GRID2: variants seen among roughly 807,000 people sequenced by gnomAD.
The protein encoded by GRID2 is glutamate ionotropic receptor delta type subunit 2.
Under a neutral mutation model 114.8 loss-of-function variants are expected in GRID2, and 33 were observed. The observed-to-expected ratio is 0.29, with a 90% confidence interval of 0.22 to 0.38. GRID2 has a LOEUF of 0.38. GRID2 is among the 10% of genes least tolerant of loss of function. The pLI is 1.00. For missense variants in GRID2, 1,184 were observed against 1,257.7 expected, an observed-to-expected ratio of 0.94 and a Z score of 0.89; for synonymous variants, 505 against 449.9, an observed-to-expected ratio of 1.12 and a Z score of -1.55.
rs375332044 is a variant in GRID2 at position 92,359,244 on chromosome 4, G to A, written c.88+54500G>A. ...TCTATTCTTTCTCTTACCAAAGCATGCTTCCTTCCATCTAATGATCAGTTG... is the reference window on the plus strand; with the variant it reads ...TCTATTCTTTCTCTTACCAAAGCATACTTCCTTCCATCTAATGATCAGTTG... On this transcript the variant is annotated intron_variant, in intron 1 of 15. Transcript: ENST00000282020. 8.6e-5 allele frequency among the ~76,000 whole-genome samples: 13 copies of A among 151,844 alleles called. No homozygotes were observed. The East Asian group carries it at 2.3e-3, about 27-fold the overall frequency.
intron 8 of GRID2, among the ~76,000 whole-genome samples, chr4:93,239,351 GTCTA>G (rs56978248): frequency 2.7e-5 from 4 of 145,732 alleles, no homozygotes; most frequent in African/African-American, 7.6e-5. Context: ...CTATGTATCT[GTCTA>G]TCTATCTATC....
At chr4:93,278,380 G>C (rs970198153) in intron 8 of GRID2, among the ~76,000 whole-genome samples, 1 of 151,900 alleles carries the variant, frequency 6.6e-6, no homozygotes, top group Admixed American at 6.6e-5. Context: ...TAGTGGTATG[G>C]GTTTGAGAGA....
chr4:93,185,790 A>G (rs1180176252), intron 4 of GRID2, among the ~76,000 whole-genome samples: 1 of 152,174 alleles, frequency 6.6e-6, no homozygotes, highest in Non-Finnish European at 1.5e-5. Flanking sequence ...GTATATGTGC[A>G]CTACGTGCAG....
chr4:93,217,969 C>A (rs1744431185), intron 6 of GRID2, among the ~76,000 whole-genome samples: 1 of 151,638 alleles, frequency 6.6e-6, no homozygotes, highest in Non-Finnish European at 1.5e-5. Context: ...GGAAATATAA[C>A]CCTAGGAAAA....
At chr4:93,632,130 G>A (rs1720956538) in intron 14 of GRID2, among the ~76,000 whole-genome samples, 1 of 152,146 alleles carries the variant, frequency 6.6e-6, no homozygotes. Context: ...TTTGTCAGAC[G>A]AGTAGATTGC....
At chr4:93,541,625 T>C (rs1221187705) in intron 13 of GRID2, among the ~76,000 whole-genome samples, 1 of 152,230 alleles carries the variant, frequency 6.6e-6, no homozygotes, top group Non-Finnish European at 1.5e-5. Flanking sequence ...ATGCCATTTA[T>C]ACATGGTCTT....
intron 13 of GRID2, among the ~76,000 whole-genome samples, chr4:93,574,013 G>T (rs889981826): frequency 6.6e-6 from 1 of 152,130 alleles, no homozygotes; most frequent in Non-Finnish European, 1.5e-5. Flanking sequence ...ACTCAATAAG[G>T]ATGCTATAAT....
chr4:92,337,442 G>C (rs963961056), intron 1 of GRID2, among the ~76,000 whole-genome samples: 3 of 152,088 alleles, frequency 2.0e-5, no homozygotes, highest in Non-Finnish European at 4.4e-5. Context: ...GTGCCCAGAA[G>C]AAAAGTGAAC....
chr4:93,575,189 C>G (rs547202171), intron 13 of GRID2, among the ~76,000 whole-genome samples: 1 of 152,296 alleles, frequency 6.6e-6, no homozygotes, highest in South Asian at 2.1e-4. Context: ...ACAACACAGT[C>G]ACATGGATCC....
intron 2 of GRID2, among the ~76,000 whole-genome samples, chr4:92,610,078 A>C (rs1053263595): frequency 1.3e-5 from 2 of 151,668 alleles, no homozygotes; most frequent in African/African-American, 4.8e-5. Flanking sequence ...ATTACATTTC[A>C]TACCTTTCCT....
At position 93,085,112 on chromosome 4, in the gene GRID2, G is replaced by T. The variant is rs375005652; in HGVS notation, c.362G>T (p.Arg121Leu). ...CATATCCCCCACCTCTTCATTCAGC[G>T]CTCAACAGCTGGGACCCCAAGGAGT... ...AMHIPHLFIQ[R>L]STAGTPRSGC... The change falls in exon 3 of 16, where the codon CGC (arginine) becomes CTC (leucine). Residue 121 changes from arginine (R) to leucine (L), a missense_variant. By Grantham distance (102) the Arg-to-Leu change is moderately radical. Coordinates refer to ENST00000282020, the MANE Select transcript of GRID2 (RefSeq NM_001510.4). The T allele has an allele frequency of 9.3e-6, 15 of 1,613,940 alleles. No individual in the cohort carries two copies. The highest frequency in any genetic ancestry group is 6.7e-5 in the East Asian group (3 of 44,876).
chr4:92,360,197 C>T (rs1188191864), intron 1 of GRID2, among the ~76,000 whole-genome samples: 1 of 151,894 alleles, frequency 6.6e-6, no homozygotes, highest in Non-Finnish European at 1.5e-5. Flanking sequence ...TATGCAGTTC[C>T]ACAATCTTTA....
chr4:93,477,191 G>C (rs192064092), intron 11 of GRID2, among the ~76,000 whole-genome samples: 5 of 152,128 alleles, frequency 3.3e-5, no homozygotes, highest in African/African-American at 1.2e-4. Context: ...ATAGAAAGCT[G>C]AACTCACTTT....
intron 2 of GRID2, among the ~76,000 whole-genome samples, chr4:92,886,810 A>C (rs1746402009): frequency 6.6e-6 from 1 of 151,960 alleles, no homozygotes; most frequent in South Asian, 2.1e-4. Flanking sequence ...TATTTTTAGT[A>C]GAGACGGGGT....
chr4:92,393,451 A>G (rs1248189136), intron 1 of GRID2, among the ~76,000 whole-genome samples: 1 of 152,270 alleles, frequency 6.6e-6, no homozygotes. Context: ...TTTATTTCCT[A>G]AACTTCCCTG....
intron 2 of GRID2, among the ~76,000 whole-genome samples, chr4:92,957,242 G>T (rs1234426902): frequency 6.6e-6 from 1 of 151,962 alleles, no homozygotes; most frequent in Non-Finnish European, 1.5e-5. Context: ...AAGGTCATAT[G>T]ATTTTTTTTT....
intron 2 of GRID2, chr4:92,885,172 T>C: frequency 8.2e-6 from 2 of 242,458 alleles, no homozygotes; most frequent in Non-Finnish European, 8.1e-6. Flanking sequence ...TCTTCAGTCC[T>C]TGTCAGGATA....
rs1027412231 is a variant in GRID2, at chr4:92,471,761, C to T, written c.89-118370C>T. ...TTCTCTGTAATTCTTCTCACCCACACTTCCTGACTGCAATTCCATACCCAG... is the reference window on the plus strand; with the variant it reads ...TTCTCTGTAATTCTTCTCACCCACATTTCCTGACTGCAATTCCATACCCAG... On this transcript the variant is annotated intron_variant, in intron 1 of 15. Coordinates refer to ENST00000282020, the MANE Select transcript of GRID2 (RefSeq NM_001510.4). Among the ~76,000 whole-genome samples the T allele has an allele frequency of 3.9e-5, 6 of 152,174 alleles. No individual in the cohort carries two copies. The South Asian group carries it at 1.0e-3, about 26-fold the overall frequency.
chr4:93,144,380 G>C (rs547399088), intron 4 of GRID2, among the ~76,000 whole-genome samples: 1 of 152,290 alleles, frequency 6.6e-6, no homozygotes, highest in South Asian at 2.1e-4. Context: ...AATTGCCCAA[G>C]ATCACAAAAT....
Sources: allele counts gnomAD v4.1 joint callset (sites outside exome capture counted in the v4.1 genomes callset), GRCh38; gene constraint gnomAD v4.1.1; transcripts MANE v1.5; gene names NCBI Gene and HGNC (gene_info 2026-07-23, HGNC 2026-07-21).